The following GNAO1 variants were observed in gnomAD, a reference collection of about 807,000 sequenced individuals.
The protein encoded by GNAO1 is guanine nucleotide-binding protein G(o) subunit alpha.
For synonymous variants in GNAO1, 164 were observed against 180.7 expected (o/e 0.91, Z 0.74); for missense variants, 166 against 478.7 (o/e 0.35, Z 6.10).
At chr16:56,316,670 C>T (rs2037513213) in intron 3 of GNAO1, among the ~76,000 whole-genome samples, 1 of 152,170 alleles carries the variant, frequency 6.6e-6, no homozygotes, top group African/African-American at 2.4e-5. Flanking sequence ...CCAGACCCTG[C>T]CTCCCTGGGG....
At chr16:56,327,348 A>G (rs1197140089) in intron 3 of GNAO1, among the ~76,000 whole-genome samples, 2 of 152,054 alleles carry the variant, frequency 1.3e-5, no homozygotes, top group Non-Finnish European at 2.9e-5. Context: ...GTCCTGTGCC[A>G]TACTCAACAT....
intron 3 of GNAO1, among the ~76,000 whole-genome samples, chr16:56,325,529 G>A (rs1386173107): frequency 1.3e-5 from 2 of 152,122 alleles, no homozygotes; most frequent in African/African-American, 2.4e-5. Flanking sequence ...CCCAATTCTG[G>A]AGAGCCCGTG....
intron 3 of GNAO1, among the ~76,000 whole-genome samples, chr16:56,296,634 C>T (rs2037290623): frequency 6.6e-6 from 1 of 152,184 alleles, no homozygotes; most frequent in Admixed American, 6.5e-5. Context: ...GTCACCCTCA[C>T]CCTAGAACCT....
At chr16:56,203,391 G>A (rs1410738237) in intron 2 of GNAO1, among the ~76,000 whole-genome samples, 1 of 152,098 alleles carries the variant, frequency 6.6e-6, no homozygotes, top group Non-Finnish European at 1.5e-5. Context: ...TAGTCACTAT[G>A]AGAAAAAAGC....
intron 6 of GNAO1, chr16:56,345,101 A>G (rs1316510158): frequency 1.0e-5 from 10 of 985,378 alleles, no homozygotes; most frequent in Non-Finnish European, 1.2e-5. Context: ...TCCTTAGAGG[A>G]GGCTTCACTG....
At chr16:56,299,244 G>T (rs908241337) in intron 3 of GNAO1, among the ~76,000 whole-genome samples, 4 of 152,228 alleles carry the variant, frequency 2.6e-5, no homozygotes, top group African/African-American at 9.6e-5. Context: ...GAAGCCCTCA[G>T]CGCTGGGTTA....
At chr16:56,223,725 T>C (rs1372867355) in intron 2 of GNAO1, among the ~76,000 whole-genome samples, 1 of 152,170 alleles carries the variant, frequency 6.6e-6, no homozygotes, top group Non-Finnish European at 1.5e-5. Context: ...GGTAAATACT[T>C]AGTTGGTGTT....
intron 2 of GNAO1, among the ~76,000 whole-genome samples, chr16:56,268,462 C>G (rs1242970806): frequency 6.6e-6 from 1 of 152,212 alleles, no homozygotes; most frequent in Non-Finnish European, 1.5e-5. Flanking sequence ...CCAGGAGATT[C>G]GTATTGATCA....
rs373758153 is a variant in GNAO1, at chr16:56,348,326, CCTG to C, written c.724-3054_724-3052del. On this transcript the variant is annotated intron_variant, in intron 6 of 8. Transcript: ENST00000262493. Reference sequence around the variant, plus strand: ...GGCAGCCTGGCAGAGTGGGCACACTCCTGCTGGGGACAGAGGATCAGGGCGACT... The same window carrying C: ...GGCAGCCTGGCAGAGTGGGCACACTCCTGGGGACAGAGGATCAGGGCGACT... 16 of 270,308 alleles carry C rather than the reference CCTG, an allele frequency of 5.9e-5. No homozygotes were observed. The South Asian group carries it at 2.0e-3, about 33-fold the overall frequency. The allele number at this position is 270,308 out of a possible 1,614,324, so 16.7% of individuals were successfully genotyped here. A position where few individuals can be genotyped will look rare whatever the true frequency, so the allele number is the denominator to read the frequency against.
chr16:56,235,385 G>T (rs1387990810), intron 2 of GNAO1: 4 of 456,062 alleles, frequency 8.8e-6, no homozygotes, highest in Non-Finnish European at 1.8e-5. Flanking sequence ...CTACAAGGAG[G>T]TAGGTAGAGC....
chr16:56,231,974 G>A (rs180873258), intron 2 of GNAO1, among the ~76,000 whole-genome samples: 99 of 152,284 alleles, frequency 6.5e-4, no homozygotes, highest in African/African-American at 2.2e-3. Flanking sequence ...GAGAGAGAAA[G>A]AGAATGTGGG....
intron 6 of GNAO1, chr16:56,344,586 C>T (rs1048601459): frequency 3.0e-5 from 30 of 985,854 alleles, no homozygotes; most frequent in Admixed American, 1.2e-4. Flanking sequence ...CTGACTCCTC[C>T]GAGTTCTGGA....
chr16:56,269,375 C>A (rs1360968077), intron 2 of GNAO1, among the ~76,000 whole-genome samples: 1 of 152,184 alleles, frequency 6.6e-6, no homozygotes, highest in Non-Finnish European at 1.5e-5. Context: ...TTCACATCCT[C>A]TTCCTCAAGA....
At position 56,351,653 on chromosome 16, in the gene GNAO1, G is replaced by A; in HGVS notation, c.877+116G>A. 2.6e-6 allele frequency: 2 copies of A among 767,572 alleles called. No homozygotes were observed. The highest frequency in any genetic ancestry group is 1.7e-5 in the South Asian group (1 of 58,878). The allele number at this position is 767,572 out of a possible 1,614,324, so 47.5% of individuals were successfully genotyped here. ...GGCTAGCTGGCGAGCGGGACCCATT[G>A]CAGGAGACTGGTGGGGCGCAAAAGA... On this transcript the variant is annotated intron_variant, in intron 7 of 8. Transcript: ENST00000262493. The surrounding 1 kb of genome is among the most constrained non-coding windows in gnomAD (Gnocchi z 6.1).
rs1465743850 is a variant in GNAO1, at chr16:56,192,040, C to T, written c.-196C>T. The T allele has an allele frequency of 2.1e-5, 12 of 585,244 alleles. No individual in the cohort carries two copies. The highest frequency in any genetic ancestry group is 3.1e-5 in the Admixed American group (1 of 32,332). The allele number at this position is 585,244 out of a possible 1,614,324, so 36.3% of individuals were successfully genotyped here. On this transcript the variant is annotated 5_prime_UTR_variant, in exon 1 of 9. Coordinates refer to ENST00000262493, the MANE Select transcript of GNAO1 (RefSeq NM_020988.3). ...ACCCCTGCCAGCTGCCGCGAGTCTC[C>T]GCTGCTGGAATCTTGTTAGCGGCTG... is the stretch of plus-strand genomic sequence containing the variant.
Position 56,191,727 on chromosome 16 carries a change from CT to C in GNAO1, c.-508del, listed in dbSNP as rs1304884053. 5.3e-6 allele frequency: 1 copy of C among 189,038 alleles called. No homozygotes were observed. Among genetic ancestry groups the C allele is most frequent in the African/African-American group, 2.4e-5 (1 of 41,596 alleles). The allele number at this position is 189,038 out of a possible 1,614,324, so 11.7% of individuals were successfully genotyped here. The stretch of plus-strand genomic sequence containing the variant: ...GATGCACATGCACTAGCAGCACCCC[CT>C]AACTCACTCCCTCCACATCCCGCGC... On this transcript the variant is annotated 5_prime_UTR_variant, in exon 1 of 9. Transcript: ENST00000262493. This position sits in a 1 kb window ranked among gnomAD's most constrained non-coding sequence, Gnocchi z 4.7.
chr16:56,214,600 C>A (rs922481051), intron 2 of GNAO1, among the ~76,000 whole-genome samples: 1 of 152,164 alleles, frequency 6.6e-6, no homozygotes, highest in East Asian at 1.9e-4. Flanking sequence ...ATGTGGGTGG[C>A]ACAAAAATCC....
chr16:56,195,678 G>A lies in GNAO1; in HGVS notation c.161+3062G>A, dbSNP rs116438226. Among the ~76,000 whole-genome samples the A allele has an allele frequency of 4.1e-3, 618 of 152,350 alleles. 3 individuals are homozygous for A. Among genetic ancestry groups the A allele is most frequent in the African/African-American group, 0.014 (588 of 41,568 alleles). ...GAAATTCAGCAGAAAGCCCTCTTTA[G>A]GTTACACCCTGTGATAACCCAGTGA... On this transcript the variant is annotated intron_variant, in intron 2 of 8. Transcript: ENST00000262493.
rs79942529 is a variant in GNAO1 at position 56,302,041 on chromosome 16, A to T, written c.303+25969A>T. ...TGCCTGTGGGTCATCCAGCAGCAGC[A>T]CCTCTGTCCAGTCCCACACTGATGT... On this transcript the variant is annotated intron_variant, in intron 3 of 8. Transcript: ENST00000262493. 7.7e-3 allele frequency: 1,170 copies of T among 152,268 alleles called. 32 individuals carry two copies. The highest frequency in any genetic ancestry group is 0.054 in the South Asian group (259 of 4,814). The allele number at this position is 152,268 out of a possible 1,614,324, so 9.4% of individuals were successfully genotyped here.
Sources: allele counts gnomAD v4.1 joint callset (sites outside exome capture counted in the v4.1 genomes callset), GRCh38; gene constraint gnomAD v4.1.1; non-coding constraint Gnocchi (gnomAD v3.1); transcripts MANE v1.5; gene names NCBI Gene and HGNC (gene_info 2026-07-23, HGNC 2026-07-21).